Variants in FBXW11 observed in about 807,000 individuals in gnomAD.
The protein encoded by FBXW11 is F-box and WD repeat domain containing 11.
FBXW11 carries 19 observed loss-of-function variants against 77.6 expected under a neutral mutation model. That is an observed-to-expected ratio of 0.24 (90% CI 0.17 to 0.36). FBXW11 has a LOEUF of 0.36. Among genes scored for constraint, FBXW11 ranks in the 10% least tolerant of loss-of-function variants. The probability of loss-of-function intolerance (pLI) is 1.00; values close to 1 mark genes in which losing one functional copy is unlikely to be tolerated. For synonymous variants in FBXW11, 235 were observed against 249.4 expected, an observed-to-expected ratio of 0.94 and a Z score of 0.54; for missense variants, 334 against 704.2, an observed-to-expected ratio of 0.47 and a Z score of 5.95.
intron 1 of FBXW11, among the ~76,000 whole-genome samples, chr5:171,993,828 C>A (rs1344927613): frequency 6.6e-6 from 1 of 152,022 alleles, no homozygotes; most frequent in Non-Finnish European, 1.5e-5. Flanking sequence ...AATTATAAAT[C>A]TCCACATGTA....
intron 3 of FBXW11, 118 bp downstream of exon 3, chr5:171,914,225 A>G (rs952968750): frequency 3.6e-6 from 3 of 825,892 alleles, no homozygotes; most frequent in African/African-American, 3.6e-5. Flanking sequence ...GAAACTAGCA[A>G]AACTGCACAA....
intron 1 of FBXW11, among the ~76,000 whole-genome samples, chr5:171,959,260 G>A (rs1489958985): frequency 2.0e-5 from 3 of 151,850 alleles, no homozygotes; most frequent in Non-Finnish European, 4.4e-5. Context: ...TGAAACTCCA[G>A]GTACACAAAT....
chr5:171,916,240 TA>T (rs557784123), intron 2 of FBXW11, among the ~76,000 whole-genome samples: 29 of 98,404 alleles, frequency 2.9e-4, no homozygotes, highest in Non-Finnish European at 4.3e-4. Flanking sequence ...AAGTATAATT[TA>T]AAAAAAAAAT....
intron 2 of FBXW11, among the ~76,000 whole-genome samples, chr5:171,914,845 C>T (rs9313564): frequency 0.38 from 57,942 of 152,032 alleles, 11,328 homozygotes; most frequent in East Asian, 0.59. Flanking sequence ...GGAAGCCCCC[C>T]TGCCTTCGTC....
intron 10 of FBXW11, 54 bp from the exon 11 acceptor site, chr5:171,870,912 A>T (rs1371561378): frequency 1.6e-5 from 21 of 1,296,250 alleles, no homozygotes; most frequent in Non-Finnish European, 7.8e-6. Context: ...GATTCACACT[A>T]TCCGTAAGTT....
chr5:171,987,729 G>C (rs541644389), intron 1 of FBXW11, among the ~76,000 whole-genome samples: 2 of 151,830 alleles, frequency 1.3e-5, no homozygotes, highest in Non-Finnish European at 2.9e-5. Flanking sequence ...CTGGGATTAC[G>C]GGCGTGAGCT....
intron 1 of FBXW11, among the ~76,000 whole-genome samples, chr5:171,998,323 A>AT (rs973403591): frequency 8.2e-6 from 1 of 122,540 alleles, no homozygotes; most frequent in African/African-American, 4.7e-5. Context: ...AGCCCATGAT[A>AT]TTTTTTTCTT....
At chr5:171,901,153 A>G (rs1453640709) in intron 4 of FBXW11, among the ~76,000 whole-genome samples, 1 of 152,230 alleles carries the variant, frequency 6.6e-6, no homozygotes, top group Non-Finnish European at 1.5e-5. Context: ...ACAAAATGGT[A>G]ATCACCAGTA....
intron 1 of FBXW11, among the ~76,000 whole-genome samples, chr5:172,004,314 G>A (rs1050117616): frequency 6.6e-6 from 1 of 152,056 alleles, no homozygotes; most frequent in Non-Finnish European, 1.5e-5. Context: ...TTAAATAAAA[G>A]GCCATTTTAA....
chr5:171,890,199 TGA>T (rs1759241954), intron 7 of FBXW11, among the ~76,000 whole-genome samples: 1 of 151,750 alleles, frequency 6.6e-6, no homozygotes. Flanking sequence ...CAAAAAAAAC[TGA>T]GATGATCAAG....
chr5:171,913,807 C>CCACACACACATACACACACACA (rs1418681644), intron 3 of FBXW11, among the ~76,000 whole-genome samples: 1 of 97,912 alleles, frequency 1.0e-5, no homozygotes, highest in African/African-American at 3.8e-5. Context: ...AAACCCCCAA[C>CCACACACACATACACACACACA]CACACACACA....
intron 1 of FBXW11, among the ~76,000 whole-genome samples, chr5:172,004,867 GCA>G (rs112994412): frequency 0.022 from 3,298 of 149,302 alleles, 84 homozygotes; most frequent in Middle Eastern, 0.065. Flanking sequence ...AACCCCACGT[GCA>G]CACACACACA....
At chr5:171,873,812 T>G (rs1257850579) in intron 9 of FBXW11, among the ~76,000 whole-genome samples, 2 of 152,188 alleles carry the variant, frequency 1.3e-5, no homozygotes, top group Non-Finnish European at 2.9e-5. Context: ...AACATATTAT[T>G]AGACAAATAA....
chr5:171,923,017 CA>C (rs1761685310), intron 2 of FBXW11, among the ~76,000 whole-genome samples: 3 of 152,134 alleles, frequency 2.0e-5, no homozygotes, highest in Admixed American at 1.3e-4. Context: ...GCGGTTCAAG[CA>C]ATACTCGTGC....
At chr5:171,988,719 C>T (rs1412510816) in intron 1 of FBXW11, among the ~76,000 whole-genome samples, 2 of 151,894 alleles carry the variant, frequency 1.3e-5, no homozygotes, top group African/African-American at 4.8e-5. Flanking sequence ...GTGGCAGGTG[C>T]CTGTAATCCC....
intron 1 of FBXW11, among the ~76,000 whole-genome samples, chr5:171,958,432 G>A (rs144867274): frequency 2.4e-4 from 36 of 152,206 alleles, no homozygotes; most frequent in Non-Finnish European, 4.6e-4. Flanking sequence ...ATAGATAAAG[G>A]CAATAAAAGA....
chr5:171,970,975 T>C (rs1272086422), intron 1 of FBXW11, among the ~76,000 whole-genome samples: 2 of 152,222 alleles, frequency 1.3e-5, no homozygotes, highest in East Asian at 3.8e-4. Flanking sequence ...CAAGGATGTC[T>C]TTGATTCCCT....
intron 1 of FBXW11, among the ~76,000 whole-genome samples, chr5:171,966,032 C>T (rs1764171046): frequency 6.6e-6 from 1 of 152,150 alleles, no homozygotes; most frequent in Non-Finnish European, 1.5e-5. Flanking sequence ...TCCCCTTTGC[C>T]TTCAGCCATG....
intron 1 of FBXW11, among the ~76,000 whole-genome samples, chr5:171,982,551 C>T (rs561685901): frequency 3.2e-4 from 49 of 152,304 alleles, no homozygotes; most frequent in Middle Eastern, 3.4e-3. Context: ...GTGTGAGCCA[C>T]CACGCCCAGC....
Sources: gnomAD v4.1 joint callset for allele counts (sites outside exome capture counted in the v4.1 genomes callset) on GRCh38, gnomAD v4.1.1 for gene constraint, MANE v1.5 for transcripts, NCBI Gene and HGNC (gene_info 2026-07-23, HGNC 2026-07-21) for gene names.